FHL2: variants seen among roughly 807,000 people sequenced by gnomAD.
FHL2 encodes four and a half LIM domains 2.
Under a neutral mutation model 32.7 loss-of-function variants are expected in FHL2, and 20 were observed. The ratio of observed to expected loss-of-function variants is 0.61; its 90% CI spans 0.43 to 0.89. FHL2 has a LOEUF of 0.89. Ranked by LOEUF, FHL2 falls within the 40% of genes least tolerant of loss-of-function variation. The probability of loss-of-function intolerance (pLI) is 0.00; values close to 1 mark genes in which losing one functional copy is unlikely to be tolerated. For synonymous variants in FHL2, 123 were observed against 128.1 expected, an observed-to-expected ratio of 0.96 and a Z score of 0.27; for missense variants, 311 against 358.6, an observed-to-expected ratio of 0.87 and a Z score of 1.07.
downstream of FHL2, chr2:105,359,130 T>C (rs1680124194): frequency 6.6e-6 from 1 of 152,230 alleles, no homozygotes; most frequent in African/African-American, 2.4e-5. Flanking sequence ...AAATATTTTG[T>C]CCAGAATGAC....
upstream of FHL2, among the ~76,000 whole-genome samples, chr2:105,400,195 C>G (rs1014428851): frequency 6.6e-6 from 1 of 152,154 alleles, no homozygotes; most frequent in Non-Finnish European, 1.5e-5. Flanking sequence ...CTCCAGGCCA[C>G]GTGAACGGTA....
chr2:105,398,859 G>T lies in FHL2; in HGVS notation c.-93C>A, dbSNP rs761343542. 1.4e-6 allele frequency: 2 copies of T among 1,468,140 alleles called. No homozygotes were observed. The highest frequency in any genetic ancestry group is 2.9e-5 in the African/African-American group (2 of 67,962). 90.9% of individuals were successfully genotyped at this position (1,468,140 alleles called of 1,614,324 possible). A position where few individuals can be genotyped will look rare whatever the true frequency, so the allele number is the denominator to read the frequency against. ...CCTCTCACCAGTCTCCCCAACTCCG[G>T]CTCTGCTCCCCTCTCCTTGGGTCTC... On this transcript the variant is annotated 5_prime_UTR_variant, in exon 1 of 7. Transcript: ENST00000530340.
chr2:105,413,095 C>T (rs114516580), intron 1 of FHL2, among the ~76,000 whole-genome samples: 1,761 of 152,254 alleles, frequency 0.012, 31 homozygotes, highest in African/African-American at 0.039. Context: ...TGACTGCTCA[C>T]GTTTCCTGGT....
intron 2 of FHL2, among the ~76,000 whole-genome samples, chr2:105,388,554 C>T (rs1682486758): frequency 6.6e-6 from 1 of 151,810 alleles, no homozygotes; most frequent in South Asian, 2.1e-4. Flanking sequence ...TGGGTGCAGT[C>T]ACTCACGCCT....
intron 2 of FHL2, among the ~76,000 whole-genome samples, chr2:105,388,729 G>A (rs1394202911): frequency 2.6e-5 from 4 of 151,970 alleles, no homozygotes; most frequent in African/African-American, 9.7e-5. Flanking sequence ...AGCTACTCAG[G>A]ACGCTAAGGC....
At chr2:105,397,892 T>TGG (rs1683256428) in intron 1 of FHL2, among the ~76,000 whole-genome samples, 1 of 146,330 alleles carries the variant, frequency 6.8e-6, no homozygotes, top group Non-Finnish European at 1.5e-5. Context: ...TTTTTTGTTT[T>TGG]TTTTTGTCTA....
intron 1 of FHL2, among the ~76,000 whole-genome samples, chr2:105,406,755 C>A (rs1683642864): frequency 6.6e-6 from 1 of 152,152 alleles, no homozygotes; most frequent in Non-Finnish European, 1.5e-5. Context: ...AGGAGAGAGT[C>A]TTTGAGAGCC....
chr2:105,420,047 G>A (rs775753223), intron 1 of FHL2, among the ~76,000 whole-genome samples: 1 of 152,170 alleles, frequency 6.6e-6, no homozygotes, highest in Non-Finnish European at 1.5e-5. Flanking sequence ...TCAAAGATAA[G>A]CCACCCAATG....
chr2:105,379,608 A>G (rs1049094605), intron 3 of FHL2, among the ~76,000 whole-genome samples: 2 of 152,232 alleles, frequency 1.3e-5, no homozygotes, highest in African/African-American at 4.8e-5. Flanking sequence ...TCCACCTGAA[A>G]TGATCCGACA....
intron 2 of FHL2, among the ~76,000 whole-genome samples, chr2:105,395,488 C>G (rs1368207790): frequency 1.3e-5 from 2 of 152,212 alleles, no homozygotes; most frequent in Middle Eastern, 6.3e-3. Context: ...CCATGCTGGC[C>G]TTTCTCTTGG....
chr2:105,418,911 C>G (rs1684016988), intron 1 of FHL2, among the ~76,000 whole-genome samples: 1 of 152,128 alleles, frequency 6.6e-6, no homozygotes, highest in South Asian at 2.1e-4. Flanking sequence ...TAAAATTTAT[C>G]ATATGTATGT....
Position 105,367,565 on chromosome 2 carries a change from G to C in FHL2, c.501+5C>G, listed in dbSNP as rs1440532005. On this transcript the variant is annotated splice_donor_5th_base_variant and intron_variant, in intron 5 of 6. Transcript: ENST00000530340. ...GTGCAAGGGCCAAGGGGGCATCTGAGATACCTTTTTGCACTGAACGCACTG... is the reference window on the plus strand; with the variant it reads ...GTGCAAGGGCCAAGGGGGCATCTGACATACCTTTTTGCACTGAACGCACTG... The C allele has an allele frequency of 5.6e-6, 9 of 1,609,500 alleles. No homozygotes were observed. Among genetic ancestry groups the C allele is most frequent in the Non-Finnish European group, 7.6e-6 (9 of 1,176,986 alleles).
intron 2 of FHL2, among the ~76,000 whole-genome samples, chr2:105,390,969 G>A (rs1228786621): frequency 6.6e-6 from 1 of 151,094 alleles, no homozygotes; most frequent in Non-Finnish European, 1.5e-5. Context: ...GCTAATTTGT[G>A]TGTGTGTGTA....
chr2:105,397,130 G>T (rs1045709716), intron 1 of FHL2, among the ~76,000 whole-genome samples: 7 of 149,426 alleles, frequency 4.7e-5, no homozygotes, highest in Admixed American at 6.8e-5. Context: ...GCATCATAAG[G>T]CCTCATAGAA....
At chr2:105,397,897 T>TTTC (rs1683257717) in intron 1 of FHL2, among the ~76,000 whole-genome samples, 1 of 151,534 alleles carries the variant, frequency 6.6e-6, no homozygotes, top group African/African-American at 2.4e-5. Context: ...TGTTTTTTTT[T>TTTC]GTCTAAAACA....
chr2:105,386,705 A>G (rs1682346087), intron 2 of FHL2, among the ~76,000 whole-genome samples, 165 bp from the exon 3 acceptor site: 1 of 150,702 alleles, frequency 6.6e-6, no homozygotes, highest in African/African-American at 2.4e-5. Context: ...ATTTTTAATG[A>G]TAACACCTTT....
intron 4 of FHL2, among the ~76,000 whole-genome samples, chr2:105,369,446 C>G (rs534609409): frequency 6.6e-6 from 1 of 152,226 alleles, no homozygotes; most frequent in Non-Finnish European, 1.5e-5. Context: ...TTCTCAGCTT[C>G]CTGTACTTCC....
At chr2:105,366,919 T>C (rs1680673590) in intron 5 of FHL2, among the ~76,000 whole-genome samples, 1 of 152,102 alleles carries the variant, frequency 6.6e-6, no homozygotes, top group Non-Finnish European at 1.5e-5. Context: ...CTAAGTTGTG[T>C]ATTTTTAGTA....
intron 1 of FHL2, among the ~76,000 whole-genome samples, chr2:105,425,556 T>C (rs530875944): frequency 1.3e-5 from 2 of 150,498 alleles, no homozygotes; most frequent in South Asian, 2.1e-4. Flanking sequence ...TGTCTCCTGC[T>C]TGCCCCTGGG....
Sources: allele counts gnomAD v4.1 joint callset (sites outside exome capture counted in the v4.1 genomes callset), GRCh38; gene constraint gnomAD v4.1.1; transcripts MANE v1.5; gene names NCBI Gene and HGNC (gene_info 2026-07-23, HGNC 2026-07-21).